The following CYRIA variants were observed in gnomAD, a reference collection of about 807,000 sequenced individuals.
The protein encoded by CYRIA is CYFIP related Rac1 interactor A.
A neutral mutation model predicts 43.9 loss-of-function variants in CYRIA; 15 were observed. The observed-to-expected ratio is 0.34, with a 90% CI of 0.23 to 0.53. The LOEUF (loss-of-function observed/expected upper bound fraction) is 0.53, where lower values mean the gene tolerates loss of function less well. Among genes scored for constraint, CYRIA ranks in the 20% least tolerant of loss-of-function variants. The probability of loss-of-function intolerance (pLI) is 0.94; values close to 1 mark genes in which losing one functional copy is unlikely to be tolerated. For synonymous variants in CYRIA, 117 were observed against 136.0 expected (o/e 0.86, Z 0.97); for missense variants, 236 against 394.2 (o/e 0.60, Z 3.40).
intron 4 of CYRIA, among the ~76,000 whole-genome samples, chr2:16,564,837 T>C (rs1666870941): frequency 6.6e-6 from 1 of 152,238 alleles, no homozygotes; most frequent in Admixed American, 6.5e-5. Flanking sequence ...TGTTGTTGTT[T>C]TGTTTTCTGT....
rs1016211427 is a variant in CYRIA at position 16,665,808 on chromosome 2, C to G, written c.-195G>C. ...GTCGCCGCCGCCCTGCTCTGCCGCC[C>G]GCTCCGCCGCCGCCGAGTACGCCTC... On this transcript the variant is annotated 5_prime_UTR_variant, in exon 1 of 12. Transcript: ENST00000381323. 2 of 147,188 alleles carry G rather than the reference C, an allele frequency of 1.4e-5. No homozygotes were observed. Among genetic ancestry groups the G allele is most frequent in the African/African-American group, 2.5e-5 (1 of 40,642 alleles). 9.1% of individuals were successfully genotyped at this position (147,188 alleles called of 1,614,324 possible).
chr2:16,568,379 C>G (rs1422444472), intron 3 of CYRIA, among the ~76,000 whole-genome samples: 1 of 152,064 alleles, frequency 6.6e-6, no homozygotes, highest in African/African-American at 2.4e-5. Flanking sequence ...TATGATGTTA[C>G]TCACAATATT....
rs1666726547 is a variant in CYRIA, at chr2:16,561,401, A to G, written c.513+55T>C. The G allele has an allele frequency of 8.4e-6, 13 of 1,552,470 alleles. No individual in the cohort carries two copies. The South Asian group carries it at 1.4e-4, about 17-fold the overall frequency. On this transcript the variant is annotated intron_variant, in intron 7 of 11. Transcript: ENST00000381323. ...TCTGTCTGTGCTCTGCCTGATGCAG[A>G]AATCAAAAGAGTCATGGAGAAGGGT...
At chr2:16,659,607 G>A (rs2103558070) in intron 1 of CYRIA, among the ~76,000 whole-genome samples, 1 of 152,290 alleles carries the variant, frequency 6.6e-6, no homozygotes, top group East Asian at 1.9e-4. Flanking sequence ...CCCAACCACA[G>A]CATGAAGCTT....
At chr2:16,608,285 C>A (rs556531641) in intron 2 of CYRIA, among the ~76,000 whole-genome samples, 1 of 152,200 alleles carries the variant, frequency 6.6e-6, no homozygotes, top group African/African-American at 2.4e-5. Context: ...CAAATATAAA[C>A]ACTTTTGGGT....
intron 1 of CYRIA, among the ~76,000 whole-genome samples, chr2:16,647,866 TG>T (rs1669863178): frequency 6.6e-6 from 1 of 152,174 alleles, no homozygotes; most frequent in African/African-American, 2.4e-5. Flanking sequence ...ACAGTGTCCC[TG>T]TGAATGGCCT....
rs13406126 is a variant in CYRIA, at chr2:16,646,320, T to C, written c.-167+19460A>G. Among the ~76,000 whole-genome samples, 921 of 152,330 alleles carry C rather than the reference T, an allele frequency of 6.0e-3. 13 individuals carry two copies. The highest frequency in any genetic ancestry group is 0.021 in the African/African-American group (871 of 41,560). On this transcript the variant is annotated intron_variant, in intron 1 of 11. Coordinates refer to ENST00000381323, the MANE Select transcript of CYRIA (RefSeq NM_030797.4). ...GTGTGCTGTACAAATATGACCATTT[T>C]CCATGCAGCCATGACATAGCACATT...
chr2:16,570,765 A>G (rs1228885413), intron 3 of CYRIA, among the ~76,000 whole-genome samples: 2 of 152,210 alleles, frequency 1.3e-5, no homozygotes, highest in East Asian at 3.8e-4. Flanking sequence ...AAAGGTACAA[A>G]CAGTCCCCAC....
chr2:16,593,082 T>A (rs765640766), intron 2 of CYRIA, among the ~76,000 whole-genome samples: 2 of 152,184 alleles, frequency 1.3e-5, no homozygotes, highest in Non-Finnish European at 2.9e-5. Flanking sequence ...GAACTGAGTG[T>A]GAAAGCACCA....
chr2:16,572,643 A>G (rs1352624469), intron 3 of CYRIA, among the ~76,000 whole-genome samples: 1 of 152,224 alleles, frequency 6.6e-6, no homozygotes, highest in East Asian at 1.9e-4. Flanking sequence ...GTAGGAGTCT[A>G]TATTCTGAAT....
intron 3 of CYRIA, among the ~76,000 whole-genome samples, chr2:16,576,712 C>G (rs767271227): frequency 3.3e-5 from 5 of 152,018 alleles, no homozygotes; most frequent in African/African-American, 1.2e-4. Flanking sequence ...AAGCTTAGCA[C>G]GTAGAATACC....
In CYRIA at chr2:16,559,479, C is replaced by A. The variant is rs1435501644; in HGVS notation, c.818G>T (p.Cys273Phe). The A allele has an allele frequency of 6.2e-7, 1 of 1,612,852 alleles. No homozygotes were observed. Among genetic ancestry groups the A allele is most frequent in the East Asian group, 2.2e-5 (1 of 44,848 alleles). The change falls in exon 10 of 12, where the codon TGC (cysteine) becomes TTC (phenylalanine). Residue 273 changes from cysteine (C) to phenylalanine (F), a missense_variant. Transcript: ENST00000381323. ...TCTTACATCGATCTTGGATGTCTTGCAGAAAGCTCCCACAGGGTGGACATG... is the reference window on the plus strand; with the variant it reads ...TCTTACATCGATCTTGGATGTCTTGAAGAAAGCTCCCACAGGGTGGACATG... ...YDHVHPVGAF[C>F]KTSKIDMKGC...
intron 3 of CYRIA, among the ~76,000 whole-genome samples, chr2:16,569,598 T>C (rs554604762): frequency 6.6e-6 from 1 of 152,266 alleles, no homozygotes; most frequent in African/African-American, 2.4e-5. Context: ...GGGACTCAAA[T>C]CACAAGTGGT....
intron 1 of CYRIA, among the ~76,000 whole-genome samples, chr2:16,627,589 A>G (rs972367499): frequency 3.9e-5 from 6 of 152,242 alleles, no homozygotes; most frequent in Admixed American, 1.3e-4. Flanking sequence ...CATGGGATTT[A>G]GCTTTTGAGT....
chr2:16,587,426 C>A (rs1458465576), intron 3 of CYRIA, among the ~76,000 whole-genome samples: 1 of 151,976 alleles, frequency 6.6e-6, no homozygotes, highest in Non-Finnish European at 1.5e-5. Context: ...CTAAAATGAT[C>A]CTCTATTTAT....
At chr2:16,578,158 T>C (rs766505325) in intron 3 of CYRIA, among the ~76,000 whole-genome samples, 7 of 152,238 alleles carry the variant, frequency 4.6e-5, no homozygotes, top group Non-Finnish European at 1.0e-4. Context: ...GGGCCTGCTT[T>C]GATCCTTCCC....
intron 2 of CYRIA, among the ~76,000 whole-genome samples, chr2:16,609,287 G>A (rs1229668084): frequency 6.6e-6 from 1 of 152,148 alleles, no homozygotes; most frequent in African/African-American, 2.4e-5. Flanking sequence ...GGGGACCCCT[G>A]GGGCCCCAGG....
At chr2:16,580,392 T>C (rs1353951306) in intron 3 of CYRIA, among the ~76,000 whole-genome samples, 2 of 152,110 alleles carry the variant, frequency 1.3e-5, no homozygotes, top group Non-Finnish European at 2.9e-5. Flanking sequence ...ATAAAAAAGC[T>C]GGTATAATCA....
intron 2 of CYRIA, among the ~76,000 whole-genome samples, chr2:16,600,447 G>T (rs1024973618): frequency 1.3e-5 from 2 of 152,174 alleles, no homozygotes; most frequent in African/African-American, 4.8e-5. Context: ...TACTCTGAGA[G>T]AATTACTCAA....
Sources: allele counts gnomAD v4.1 joint callset (sites outside exome capture counted in the v4.1 genomes callset), GRCh38; gene constraint gnomAD v4.1.1; transcripts MANE v1.5; gene names NCBI Gene and HGNC (gene_info 2026-07-23, HGNC 2026-07-21).